Variants in PIGT observed in about 807,000 individuals in gnomAD.
PIGT encodes GPI-anchor transamidase component PIGT.
Under a neutral mutation model 66.7 loss-of-function variants are expected in PIGT, and 57 were observed. That is an observed-to-expected ratio of 0.86 (90% CI 0.69 to 1.07). The LOEUF (loss-of-function observed/expected upper bound fraction) is 1.07. Ranked by LOEUF, PIGT falls within the 50% of genes least tolerant of loss-of-function variation. The pLI, the probability that PIGT is intolerant of heterozygous loss-of-function variation, is 0.00. For synonymous variants in PIGT, 362 were observed against 320.5 expected (o/e 1.13, Z -1.38); for missense variants, 725 against 740.4 (o/e 0.98, Z 0.24).
chr20:45,419,183 T>C (rs2145443489), intron 3 of PIGT, 112 bp from the exon 4 acceptor site: 1 of 1,093,440 alleles, frequency 9.1e-7, no homozygotes, highest in Non-Finnish European at 1.4e-6. Context: ...CTGTCCAGAC[T>C]GTGGTGCTAG....
chr20:45,421,725 A>C, intron 9 of PIGT, 142 bp downstream of exon 9: 1 of 667,312 alleles, frequency 1.5e-6, no homozygotes, highest in Non-Finnish European at 2.6e-6. Flanking sequence ...ATAGTTTCTC[A>C]AAACTGGAAC....
In PIGT at chr20:45,419,285, T is replaced by G. The variant is rs1990189082; in HGVS notation, c.494-10T>G. The stretch of plus-strand genomic sequence containing the variant: ...AAGGCCCACCCCAGACAGACCTCTG[T>G]CTCCCTCAGACACTGACCACTACTT... On this transcript the variant is annotated splice_polypyrimidine_tract_variant and intron_variant, in intron 3 of 11. Coordinates refer to ENST00000279036, the MANE Select transcript of PIGT (RefSeq NM_015937.6). 6.2e-7 allele frequency: 1 copy of G among 1,611,636 alleles called. No individual in the cohort carries two copies. The highest frequency in any genetic ancestry group is 1.7e-5 in the Admixed American group (1 of 59,966).
At chr20:45,417,412 T>C (rs891447193) in intron 2 of PIGT, 2 of 152,234 alleles carry the variant, frequency 1.3e-5, no homozygotes, top group African/African-American at 4.8e-5. Flanking sequence ...TGTGACATTC[T>C]AACGAGGACA....
chr20:45,423,398 A>G (rs1270004574), intron 9 of PIGT: 1 of 150,922 alleles, frequency 6.6e-6, no homozygotes, highest in Non-Finnish European at 1.5e-5. Flanking sequence ...CCAGCTACTC[A>G]AGAGGCTGAG....
intron 11 of PIGT, chr20:45,425,153 T>TTC (rs1317933016): frequency 1.2e-5 from 1 of 82,162 alleles, no homozygotes; most frequent in Non-Finnish European, 2.5e-5. Context: ...CTTTCTTTCT[T>TTC]TCTTTCTTTC....
At chr20:45,425,303 C>T (rs1481798671) in intron 11 of PIGT, among the ~76,000 whole-genome samples, 2 of 151,438 alleles carry the variant, frequency 1.3e-5, no homozygotes, top group African/African-American at 2.4e-5. Context: ...ATATGTGCCA[C>T]GGTGGTTTGC....
intron 8 of PIGT, chr20:45,421,151 G>A (rs541156047): frequency 1.1e-5 from 6 of 570,256 alleles, no homozygotes; most frequent in Admixed American, 3.2e-5. Context: ...TGGGTTCGAA[G>A]GGGGCACGGT....
rs1373688551 is a variant in PIGT, at chr20:45,424,591, C to T, written c.1484+12C>T. 2 of 1,607,156 alleles carry T rather than the reference C, an allele frequency of 1.2e-6. No homozygotes were observed. Among genetic ancestry groups the T allele is most frequent in the South Asian group, 1.1e-5 (1 of 90,930 alleles). On this transcript the variant is annotated intron_variant, in intron 11 of 11. Transcript: ENST00000279036. Reference sequence around the variant, plus strand: ...CTCTTCAACAGCCTGTAAGTGTGACCACACTCACTGATAACACATCCTCAG... The same window carrying T: ...CTCTTCAACAGCCTGTAAGTGTGACTACACTCACTGATAACACATCCTCAG...
At position 45,416,287 on chromosome 20, in the gene PIGT, T is replaced by C; in HGVS notation, c.131T>C (p.Val44Ala). 1 of 1,598,172 alleles carries C rather than the reference T, an allele frequency of 6.3e-7. No individual in the cohort carries two copies. Among genetic ancestry groups the C allele is most frequent in the African/African-American group, 1.3e-5 (1 of 74,736 alleles). The change falls in exon 1 of 12, where the codon GTA becomes GCA. Residue 44 changes from valine to alanine, a missense_variant. Val to Ala is a moderately conservative substitution (Grantham distance 64). This residue lies in a region of PIGT where 559 missense variants were observed against 552.7 expected (regional missense o/e 1.01). Transcript: ENST00000279036. ...ATCACCCCGCTGCCTTCCGGGGACG[T>C]AGCCGCCACATTCCAGTTCCGCACG... ...LVITPLPSGD[V>A]AATFQFRTRW... is the part of the protein sequence containing the mutation.
In PIGT at chr20:45,426,099, G is replaced by A. The variant is rs1339407308; in HGVS notation, c.*273G>A. On this transcript the variant is annotated 3_prime_UTR_variant, in exon 12 of 12. Transcript: ENST00000279036. Reference sequence around the variant, plus strand: ...AAAAGTGGTCGGTGGCTGCTGTATTGGACAGCACAGAAAAAGATTTCCATC... The same window carrying A: ...AAAAGTGGTCGGTGGCTGCTGTATTAGACAGCACAGAAAAAGATTTCCATC... The A allele has an allele frequency of 1.4e-5, 7 of 516,164 alleles. No homozygotes were observed. In the Admixed American group the frequency reaches 2.1e-4, roughly 15 times the overall value. The allele number at this position is 516,164 out of a possible 1,614,324, so 32.0% of individuals were successfully genotyped here. A position where few individuals can be genotyped will look rare whatever the true frequency, so the allele number is the denominator to read the frequency against.
Position 45,420,446 on chromosome 20 carries a change from CCA to C in PIGT, c.867+26_867+27del. The C allele has an allele frequency of 6.2e-7, 1 of 1,610,538 alleles. No homozygotes were observed. On this transcript the variant is annotated intron_variant, in intron 7 of 11. Coordinates refer to ENST00000279036, the MANE Select transcript of PIGT (RefSeq NM_015937.6). Reference sequence around the variant, plus strand: ...TACAACCAGGTAACAAGGTCTCCAGCCACACACACAAACACACCGCTGGTCCC... The same window carrying C: ...TACAACCAGGTAACAAGGTCTCCAGCCACACACAAACACACCGCTGGTCCC...
intron 9 of PIGT, chr20:45,422,700 G>C (rs1990443478): frequency 6.6e-6 from 1 of 152,030 alleles, no homozygotes; most frequent in Non-Finnish European, 1.5e-5. Flanking sequence ...TAAAGTGCTG[G>C]GATTATAGGT....
intron 9 of PIGT, chr20:45,421,825 A>T (rs1990386981): frequency 2.0e-6 from 1 of 488,916 alleles, no homozygotes; most frequent in Non-Finnish European, 3.7e-6. Context: ...AGGACTGTAC[A>T]AGGACAGTAG....
intron 9 of PIGT, chr20:45,423,230 A>C (rs1990492661): frequency 6.6e-6 from 1 of 151,516 alleles, no homozygotes; most frequent in African/African-American, 2.4e-5. Flanking sequence ...ACGCCTGGCT[A>C]ATTTTTTCTG....
chr20:45,421,806 A>G, intron 9 of PIGT: 2 of 567,684 alleles, frequency 3.5e-6, no homozygotes, highest in Non-Finnish European at 6.3e-6. Flanking sequence ...AATACTGGTG[A>G]TTCTTAATAG....
At chr20:45,424,609 A>T in intron 11 of PIGT, 30 bp downstream of exon 11, 1 of 1,567,952 alleles carries the variant, frequency 6.4e-7, no homozygotes, top group Non-Finnish European at 8.8e-7. Context: ...CTGATAACAC[A>T]TCCTCAGCTG....
At chr20:45,419,443 C>T (rs764979870) in intron 4 of PIGT, 48 bp downstream of exon 4, 13 of 1,607,602 alleles carry the variant, frequency 8.1e-6, no homozygotes, top group Non-Finnish European at 1.1e-5. Context: ...GTATAGAGAA[C>T]CTGCGCCCCA....
At chr20:45,420,773 A>G (rs1555877191) in intron 8 of PIGT, 80 bp downstream of exon 8, 42 of 1,415,720 alleles carry the variant, frequency 3.0e-5, no homozygotes, top group South Asian at 1.6e-4. Flanking sequence ...TTGCCGTTAG[A>G]TGATTGGGTT....
At position 45,424,328 on chromosome 20, in the gene PIGT, G is replaced by A. The variant is rs1054502758; in HGVS notation, c.1347G>A (p.Ala449=). The A allele has an allele frequency of 1.9e-5, 30 of 1,614,168 alleles. No homozygotes were observed. Among genetic ancestry groups the A allele is most frequent in the Middle Eastern group, 1.6e-4 (1 of 6,062 alleles). The change falls in exon 10 of 12, where the codon GCG becomes GCA. Residue 449 remains alanine (A), a synonymous_variant. Transcript: ENST00000279036. ...AGGTTTCCATCCAGTTTGAGCGGGC[G>A]CTGCTGAAGTGGACCGAGTACACGC... ...VTKVSIQFER[A]LLKWTEYTPD... is the part of the protein sequence containing the mutation.
Sources: allele counts gnomAD v4.1 joint callset (sites outside exome capture counted in the v4.1 genomes callset), GRCh38; gene constraint gnomAD v4.1.1; regional missense constraint gnomAD v4.1.1; transcripts MANE v1.5; gene names NCBI Gene and HGNC (gene_info 2026-07-23, HGNC 2026-07-21).